OPRM1: variants seen among roughly 807,000 people sequenced by gnomAD.
OPRM1 encodes the protein opioid receptor mu 1.
In OPRM1, 27 loss-of-function variants were observed where a neutral mutation model predicts 31.8. That is an observed-to-expected ratio of 0.85 (90% CI 0.63 to 1.17). OPRM1 has a LOEUF of 1.17. OPRM1 is among the 50% of genes most tolerant of loss of function. The pLI, the probability that OPRM1 is intolerant of heterozygous loss-of-function variation, is 0.00. For missense variants in OPRM1, 536 were observed against 511.1 expected (o/e 1.05, Z -0.47); for synonymous variants, 196 against 189.9 (o/e 1.03, Z -0.26).
At chr6:154,216,592 G>A (rs114095864) in intron 3 of OPRM1, among the ~76,000 whole-genome samples, 2,078 of 152,202 alleles carry the variant, frequency 0.014, 50 homozygotes, top group African/African-American at 0.047. Context: ...AGTGATGGCC[G>A]GGCACAGTGG....
chr6:154,192,461 A>G (rs1167957647), intron 3 of OPRM1, among the ~76,000 whole-genome samples: 1 of 152,176 alleles, frequency 6.6e-6, no homozygotes, highest in African/African-American at 2.4e-5. Context: ...AGAAGAAATG[A>G]TGAAGCATAT....
rs551870139 is a variant in OPRM1 at position 154,124,521 on chromosome 6, G to A, written c.*5800G>A. Among the ~76,000 whole-genome samples, 253 of 152,234 alleles carry A rather than the reference G, an allele frequency of 1.7e-3. No homozygotes were observed. Among genetic ancestry groups the A allele is most frequent in the African/African-American group, 5.9e-3 (246 of 41,544 alleles). On this transcript the variant is annotated 3_prime_UTR_variant, in exon 4 of 4. Transcript: ENST00000330432. ...CTCTAGACATTAATTCCTAGGAATCGCATACCTACGGAAAACAGTCCTCTG... is the reference window on the plus strand; with the variant it reads ...CTCTAGACATTAATTCCTAGGAATCACATACCTACGGAAAACAGTCCTCTG...
chr6:154,153,084 A>G (rs1477262411), intron 3 of OPRM1, among the ~76,000 whole-genome samples: 1 of 152,156 alleles, frequency 6.6e-6, no homozygotes, highest in East Asian at 1.9e-4. Context: ...CCCCTCATAA[A>G]GATGAATTAT....
intron 3 of OPRM1, among the ~76,000 whole-genome samples, chr6:154,202,927 C>G (rs145239066): frequency 6.6e-6 from 1 of 152,156 alleles, no homozygotes; most frequent in South Asian, 2.1e-4. Context: ...AAAGTGACTA[C>G]ATATTCAGGT....
At chr6:154,215,306 G>T (rs1279865807) in intron 3 of OPRM1, among the ~76,000 whole-genome samples, 9 of 151,986 alleles carry the variant, frequency 5.9e-5, no homozygotes, top group Admixed American at 2.6e-4. Flanking sequence ...TTTTTGAATA[G>T]AAAATATATA....
At chr6:154,134,526 T>C (rs543712378), downstream of OPRM1, among the ~76,000 whole-genome samples, 183 of 152,214 alleles carry the variant, frequency 1.2e-3, 4 homozygotes, top group South Asian at 0.037. Context: ...ACATCACCCC[T>C]TGCCCTCCCT....
intron 3 of OPRM1, among the ~76,000 whole-genome samples, chr6:154,244,299 T>TGG (rs1166657406): frequency 0.02 from 1,335 of 68,442 alleles, 26 homozygotes; most frequent in African/African-American, 0.078. Flanking sequence ...TGTGTGTGGG[T>TGG]GGGTGTGTGT....
chr6:154,039,929 G>T, intron 1 of OPRM1, 95 bp downstream of exon 1: 1 of 1,172,694 alleles, frequency 8.5e-7, no homozygotes, highest in East Asian at 2.4e-5. Context: ...TGGGCGGGAG[G>T]ATGAAAGAGG....
At chr6:154,107,086 T>C (rs1395202605) in intron 3 of OPRM1, among the ~76,000 whole-genome samples, 3 of 152,132 alleles carry the variant, frequency 2.0e-5, no homozygotes, top group African/African-American at 7.2e-5. Context: ...CACATATAAA[T>C]ATAGAGACAG....
intron 1 of OPRM1, among the ~76,000 whole-genome samples, chr6:154,030,108 A>G (rs1778925203): frequency 6.9e-6 from 1 of 143,918 alleles, no homozygotes; most frequent in Admixed American, 6.7e-5. Context: ...GACTAACACA[A>G]TGGTCTATCA....
intron 3 of OPRM1, chr6:154,199,520 C>A: frequency 1.1e-6 from 1 of 936,936 alleles, no homozygotes; most frequent in Admixed American, 3.1e-5. Flanking sequence ...AACTCCTCTA[C>A]AAAGCAACCT....
At chr6:154,135,661 T>G (rs1232222943), downstream of OPRM1, among the ~76,000 whole-genome samples, 1 of 152,212 alleles carries the variant, frequency 6.6e-6, no homozygotes, top group East Asian at 1.9e-4. Context: ...ATAAAAGGCT[T>G]GGTCCAGCCA....
chr6:154,147,303 A>G (rs1798384370), intron 3 of OPRM1, among the ~76,000 whole-genome samples: 1 of 152,210 alleles, frequency 6.6e-6, no homozygotes. Context: ...TGTTCACTAC[A>G]TAGGAACTGT....
rs1050468205 is a variant in OPRM1 at position 154,103,448 on chromosome 6, C to T, written c.1164+11976C>T. ...TTACTGGACCCGGAAATTAGGTAAA[C>T]CCTATACCAATTGTGTTTCTAACAA... On this transcript the variant is annotated intron_variant, in intron 3 of 3. Coordinates refer to ENST00000330432, the MANE Select transcript of OPRM1 (RefSeq NM_000914.5). Among the ~76,000 whole-genome samples the T allele has an allele frequency of 2.6e-5, 4 of 152,126 alleles. No individual in the cohort carries two copies. The South Asian group carries it at 6.2e-4, about 24-fold the overall frequency.
At chr6:154,118,371 A>G (rs1797090691) in intron 3 of OPRM1, among the ~76,000 whole-genome samples, 1 of 152,202 alleles carries the variant, frequency 6.6e-6, no homozygotes, top group Non-Finnish European at 1.5e-5. Context: ...GGGTAAAAAA[A>G]GGGGGAGAAA....
chr6:154,193,031 G>A (rs1263310902), intron 3 of OPRM1, among the ~76,000 whole-genome samples: 1 of 152,120 alleles, frequency 6.6e-6, no homozygotes, highest in African/African-American at 2.4e-5. Flanking sequence ...TCTACTCACA[G>A]GAAAAGAAGT....
chr6:154,119,199 T>A lies in OPRM1; in HGVS notation c.*478T>A. 7.1e-6 allele frequency: 7 copies of A among 986,344 alleles called. No individual in the cohort carries two copies. The highest frequency in any genetic ancestry group is 8.4e-6 in the Non-Finnish European group (7 of 830,290). 61.1% of individuals were successfully genotyped at this position (986,344 alleles called of 1,614,324 possible). On this transcript the variant is annotated 3_prime_UTR_variant, in exon 4 of 4. Coordinates refer to ENST00000330432, the MANE Select transcript of OPRM1 (RefSeq NM_000914.5). The stretch of plus-strand genomic sequence containing the variant: ...CAAGGGAATGAATCCATTATTCTAT[T>A]TTAGACTTTTAACTTCACCTTAAAA...
intron 3 of OPRM1, among the ~76,000 whole-genome samples, chr6:154,200,510 C>T (rs1295374488): frequency 6.6e-6 from 1 of 152,088 alleles, no homozygotes; most frequent in Non-Finnish European, 1.5e-5. Context: ...CACCTGAGGC[C>T]GGGAGTTTGA....
chr6:154,093,236 G>A, intron 3 of OPRM1: 2 of 1,557,880 alleles, frequency 1.3e-6, no homozygotes, highest in East Asian at 4.6e-5. Context: ...GCAAAATAAT[G>A]GCCATTATAA....
Sources: allele counts gnomAD v4.1 joint callset (sites outside exome capture counted in the v4.1 genomes callset), GRCh38; gene constraint gnomAD v4.1.1; transcripts MANE v1.5; gene names NCBI Gene and HGNC (gene_info 2026-07-23, HGNC 2026-07-21).